The following CCDC102B variants were observed in gnomAD, a reference collection of about 807,000 sequenced individuals.
The protein encoded by CCDC102B is coiled-coil domain containing 102B.
A neutral mutation model predicts 57.4 loss-of-function variants in CCDC102B; 75 were observed. That is an observed-to-expected ratio of 1.31 (90% CI 1.08 to 1.58). The LOEUF is 1.58. Ranked by LOEUF, CCDC102B falls within the 40% of genes most tolerant of loss-of-function variation. The pLI, the probability that CCDC102B is intolerant of heterozygous loss-of-function variation, is 0.00. For missense variants in CCDC102B, 636 were observed against 582.6 expected (o/e 1.09, Z -0.94); for synonymous variants, 206 against 201.9 (o/e 1.02, Z -0.17).
chr18:68,831,475 A>C (rs556709095), intron 1 of CCDC102B, among the ~76,000 whole-genome samples: 21 of 152,294 alleles, frequency 1.4e-4, no homozygotes, highest in African/African-American at 5.0e-4. Context: ...ACATTGTTTT[A>C]AACTTTGTGT....
chr18:68,985,780 A>G (rs899914262), intron 6 of CCDC102B, among the ~76,000 whole-genome samples: 1 of 152,118 alleles, frequency 6.6e-6, no homozygotes, highest in African/African-American at 2.4e-5. Context: ...AGCATCTTCC[A>G]TTGACTGAAT....
intron 1 of CCDC102B, 191 bp downstream of exon 1, chr18:68,798,372 C>T (rs1285296019): frequency 6.6e-6 from 1 of 152,082 alleles, no homozygotes; most frequent in Admixed American, 6.6e-5. Flanking sequence ...TTTCATTTTT[C>T]CACTGTGGGT....
chr18:68,725,498 G>T (rs185763641), intron 2 of CCDC102B, among the ~76,000 whole-genome samples: 21 of 152,272 alleles, frequency 1.4e-4, no homozygotes, highest in African/African-American at 5.1e-4. Flanking sequence ...GAATTTACTT[G>T]TATGTGGTGG....
intron 7 of CCDC102B, among the ~76,000 whole-genome samples, chr18:69,025,129 A>G (rs2051948439): frequency 6.6e-6 from 1 of 152,158 alleles, no homozygotes; most frequent in South Asian, 2.1e-4. Flanking sequence ...AAAAGATGTC[A>G]TGACCTATAA....
chr18:68,943,073 C>A (rs1229740928), intron 6 of CCDC102B, among the ~76,000 whole-genome samples: 1 of 101,922 alleles, frequency 9.8e-6, no homozygotes, highest in African/African-American at 2.8e-5. Flanking sequence ...CTTGAGTCCA[C>A]ACAGCACATG....
intron 2 of CCDC102B, among the ~76,000 whole-genome samples, chr18:68,741,558 T>C (rs908230328): frequency 1.3e-5 from 2 of 152,142 alleles, no homozygotes; most frequent in African/African-American, 4.8e-5. Context: ...GGATTGCCAA[T>C]GTTGAAATAT....
At chr18:68,899,942 A>G (rs1296567535) in intron 6 of CCDC102B, 1 of 152,204 alleles carries the variant, frequency 6.6e-6, no homozygotes, top group Non-Finnish European at 1.5e-5. Context: ...GCTTTTATAT[A>G]CTATGTTTAA....
In CCDC102B at chr18:69,006,991, C is replaced by T. The variant is rs182635066; in HGVS notation, c.1264-3943C>T. On this transcript the variant is annotated intron_variant, in intron 6 of 7. Transcript: ENST00000360242. ...AAATAGGAAAATATTATCTCTAACACGGGATTGTCACGTGGATTTAGAGAG... is the reference window on the plus strand; with the variant it reads ...AAATAGGAAAATATTATCTCTAACATGGGATTGTCACGTGGATTTAGAGAG... 9.9e-5 allele frequency among the ~76,000 whole-genome samples: 15 copies of T among 152,280 alleles called. No individual in the cohort carries two copies. The East Asian group carries it at 1.7e-3, about 18-fold the overall frequency.
At chr18:68,716,469 G>C (rs745631510) in intron 1 of CCDC102B, 1 of 152,056 alleles carries the variant, frequency 6.6e-6, no homozygotes, top group Non-Finnish European at 1.5e-5. Context: ...TGGCTATTGA[G>C]CTTTTGAAAT....
At chr18:68,876,281 A>G (rs2039443939) in intron 5 of CCDC102B, among the ~76,000 whole-genome samples, 1 of 152,172 alleles carries the variant, frequency 6.6e-6, no homozygotes. Context: ...GTAGAAATGG[A>G]CTTGCCTTCA....
At chr18:68,888,974 T>C (rs2039980612) in intron 5 of CCDC102B, among the ~76,000 whole-genome samples, 1 of 152,072 alleles carries the variant, frequency 6.6e-6, no homozygotes, top group Admixed American at 6.5e-5. Flanking sequence ...AAAGTTACTC[T>C]ATCAATTTAC....
intron 6 of CCDC102B, among the ~76,000 whole-genome samples, chr18:68,996,751 A>T (rs2051039027): frequency 6.6e-6 from 1 of 152,150 alleles, no homozygotes; most frequent in Non-Finnish European, 1.5e-5. Context: ...ATTTCAGATG[A>T]CACTTTGGAC....
chr18:69,017,767 TG>T lies in CCDC102B; in HGVS notation c.1434+6664del, dbSNP rs1280232622. 2.6e-5 allele frequency among the ~76,000 whole-genome samples: 4 copies of T among 152,192 alleles called. No individual in the cohort carries two copies. In the East Asian group the frequency reaches 7.7e-4, roughly 29 times the overall value. On this transcript the variant is annotated intron_variant, in intron 7 of 7. Coordinates refer to ENST00000360242, the MANE Select transcript of CCDC102B (RefSeq NM_024781.3). ...TTTAGAACATATTCATGCATATAAA[TG>T]AAACTTTGACCAACATCTCTTCATT...
intron 2 of CCDC102B, among the ~76,000 whole-genome samples, chr18:68,727,968 C>G (rs1020278771): frequency 6.6e-6 from 1 of 152,184 alleles, no homozygotes; most frequent in African/African-American, 2.4e-5. Flanking sequence ...AGATATTGCT[C>G]TTTCTATAAT....
chr18:69,023,286 A>C (rs2051897808), intron 7 of CCDC102B, among the ~76,000 whole-genome samples: 1 of 152,170 alleles, frequency 6.6e-6, no homozygotes, highest in Non-Finnish European at 1.5e-5. Context: ...AATTTTAACT[A>C]TTGAAATGTA....
At chr18:68,888,724 C>A (rs1298677872) in intron 5 of CCDC102B, among the ~76,000 whole-genome samples, 2 of 152,136 alleles carry the variant, frequency 1.3e-5, no homozygotes, top group African/African-American at 4.8e-5. Context: ...TTTCCTAATG[C>A]TTCATATCAA....
At chr18:68,926,440 TTA>T (rs2041477641) in intron 6 of CCDC102B, among the ~76,000 whole-genome samples, 1 of 151,878 alleles carries the variant, frequency 6.6e-6, no homozygotes, top group Non-Finnish European at 1.5e-5. Flanking sequence ...AAATTTTCTA[TTA>T]TCTTTTTTCA....
intron 5 of CCDC102B, among the ~76,000 whole-genome samples, chr18:68,895,962 T>C (rs766443886): frequency 6.6e-6 from 1 of 152,092 alleles, no homozygotes; most frequent in Non-Finnish European, 1.5e-5. Flanking sequence ...TACCACAGTG[T>C]TTCTCCTTTA....
At chr18:68,720,474 A>T (rs1206220681) in intron 2 of CCDC102B, among the ~76,000 whole-genome samples, 4 of 152,112 alleles carry the variant, frequency 2.6e-5, no homozygotes, top group Non-Finnish European at 4.4e-5. Context: ...CTCAGGTGAG[A>T]CTCCACCTTG....
Sources: allele counts gnomAD v4.1 joint callset (sites outside exome capture counted in the v4.1 genomes callset), GRCh38; gene constraint gnomAD v4.1.1; transcripts MANE v1.5; gene names NCBI Gene and HGNC (gene_info 2026-07-23, HGNC 2026-07-21).